Variants in ENOX1 observed in about 807,000 individuals in gnomAD.
ENOX1 encodes ecto-NOX disulfide-thiol exchanger 1, also known as candidate growth-related and time keeping constitutive hydroquinone (NADH) oxidase.
In ENOX1, 42 loss-of-function variants were observed where a neutral mutation model predicts 82.5. The ratio of observed to expected loss-of-function variants is 0.51; its 90% CI spans 0.40 to 0.66. The LOEUF is 0.66. ENOX1 is among the 30% of genes least tolerant of loss of function. The pLI is 0.00. For synonymous variants in ENOX1, 271 were observed against 282.2 expected (o/e 0.96, Z 0.40); for missense variants, 608 against 811.6 (o/e 0.75, Z 3.05).
intron 2 of ENOX1, among the ~76,000 whole-genome samples, chr13:43,584,401 CATA>C (rs1271725016): frequency 1.3e-5 from 2 of 152,194 alleles, no homozygotes; most frequent in African/African-American, 4.8e-5. Flanking sequence ...TAGTGAGAGT[CATA>C]ATGTCGAGTT....
intron 2 of ENOX1, among the ~76,000 whole-genome samples, chr13:43,500,623 A>C (rs1370436737): frequency 6.6e-6 from 1 of 152,062 alleles, no homozygotes; most frequent in African/African-American, 2.4e-5. Flanking sequence ...ACTAAACAGC[A>C]ACATGAAAGT....
intron 5 of ENOX1, among the ~76,000 whole-genome samples, chr13:43,411,500 C>T (rs999538618): frequency 6.6e-6 from 1 of 152,182 alleles, no homozygotes; most frequent in Non-Finnish European, 1.5e-5. Flanking sequence ...CGAAACTCTG[C>T]TCTTCTGTTT....
At chr13:43,519,371 T>G (rs2077674483) in intron 2 of ENOX1, among the ~76,000 whole-genome samples, 1 of 152,162 alleles carries the variant, frequency 6.6e-6, no homozygotes, top group Non-Finnish European at 1.5e-5. Context: ...AAAAAAAGTA[T>G]TTGCCTACTA....
At chr13:43,241,174 C>A (rs768818902) in intron 14 of ENOX1, among the ~76,000 whole-genome samples, 5 of 152,136 alleles carry the variant, frequency 3.3e-5, no homozygotes, top group Non-Finnish European at 5.9e-5. Context: ...AGTTCATGGT[C>A]CTTATTACTC....
chr13:43,586,145 C>G (rs1448621564), intron 2 of ENOX1, among the ~76,000 whole-genome samples: 7 of 152,228 alleles, frequency 4.6e-5, no homozygotes, highest in Non-Finnish European at 7.3e-5. Flanking sequence ...ACTGTTCTCC[C>G]TACGTCTGCT....
chr13:43,581,118 C>T (rs868655394), intron 2 of ENOX1, among the ~76,000 whole-genome samples: 1 of 137,250 alleles, frequency 7.3e-6, no homozygotes, highest in African/African-American at 2.7e-5. Flanking sequence ...TTTAGCACTA[C>T]CTGATTCTTT....
chr13:43,576,519 A>AT (rs769434028), intron 2 of ENOX1, among the ~76,000 whole-genome samples: 48 of 152,202 alleles, frequency 3.2e-4, no homozygotes, highest in Non-Finnish European at 6.2e-4. Context: ...CCTAGTTCAC[A>AT]TTAAGATGTG....
intron 1 of ENOX1, among the ~76,000 whole-genome samples, chr13:43,693,550 G>A (rs917516239): frequency 6.6e-6 from 1 of 152,092 alleles, no homozygotes; most frequent in Non-Finnish European, 1.5e-5. Context: ...TCCAGTGGCC[G>A]TGAAACAAGA....
intron 2 of ENOX1, among the ~76,000 whole-genome samples, chr13:43,522,924 G>A (rs1406278267): frequency 6.6e-6 from 1 of 152,136 alleles, no homozygotes; most frequent in Non-Finnish European, 1.5e-5. Flanking sequence ...AATCCTCAAT[G>A]TGGAAAGTCA....
chr13:43,753,905 C>A (rs1950453696), intron 1 of ENOX1, among the ~76,000 whole-genome samples: 1 of 144,338 alleles, frequency 6.9e-6, no homozygotes, highest in African/African-American at 2.6e-5. Context: ...TTTCCTTATC[C>A]AATTACGACC....
intron 13 of ENOX1, among the ~76,000 whole-genome samples, chr13:43,267,545 C>A (rs558435059): frequency 6.5e-4 from 99 of 152,326 alleles, no homozygotes; most frequent in African/African-American, 2.3e-3. Context: ...CTGCATGTGT[C>A]CATTTGTTTA....
intron 2 of ENOX1, among the ~76,000 whole-genome samples, chr13:43,517,282 G>A (rs1205603812): frequency 2.0e-5 from 3 of 152,056 alleles, no homozygotes; most frequent in African/African-American, 7.2e-5. Context: ...GGATCACCTT[G>A]AGGTCAGGAG....
rs567447186 is a variant in ENOX1 at position 43,535,138 on chromosome 13, C to T, written c.-218-50986G>A. Among the ~76,000 whole-genome samples the T allele has an allele frequency of 3.3e-5, 5 of 152,278 alleles. No homozygotes were observed. In the South Asian group the frequency reaches 1.0e-3, roughly 32 times the overall value. ...CACAATTGTCATAGAGATTACACTA[C>T]AGAGTACATATAAAGTGCTTAGTGA... On this transcript the variant is annotated intron_variant, in intron 2 of 16. Transcript: ENST00000690772.
chr13:43,678,768 G>A (rs117294783), intron 1 of ENOX1, among the ~76,000 whole-genome samples: 2,359 of 152,182 alleles, frequency 0.016, 20 homozygotes, highest in Middle Eastern at 0.027. Flanking sequence ...CTAGGTTGCC[G>A]CCATTAATAT....
chr13:43,360,474 G>C (rs1220488308), intron 6 of ENOX1, among the ~76,000 whole-genome samples: 1 of 152,008 alleles, frequency 6.6e-6, no homozygotes, highest in African/African-American at 2.4e-5. Context: ...ACAGAATACG[G>C]GAAGCATAAC....
chr13:43,771,923 C>G (rs1379466615), intron 1 of ENOX1, among the ~76,000 whole-genome samples: 1 of 147,224 alleles, frequency 6.8e-6, no homozygotes, highest in East Asian at 2.0e-4. Context: ...TCTGCCACCA[C>G]GCCCGGCTAA....
chr13:43,495,599 C>T (rs2076766006), intron 2 of ENOX1, among the ~76,000 whole-genome samples: 2 of 151,618 alleles, frequency 1.3e-5, no homozygotes, highest in Admixed American at 1.3e-4. Flanking sequence ...TGTCTATGGT[C>T]ATTTGGCTTG....
rs534578433 is a variant in ENOX1, at chr13:43,693,589, G to C, written c.-284-26045C>G. Among the ~76,000 whole-genome samples, 11 of 152,242 alleles carry C rather than the reference G, an allele frequency of 7.2e-5. No homozygotes were observed. In the South Asian group the frequency reaches 1.9e-3, roughly 26 times the overall value. On this transcript the variant is annotated intron_variant, in intron 1 of 16. Transcript: ENST00000690772. ...AACTGTTTCATATCCATTCAACTCT[G>C]ATCATTCTTATAATAGAAAAGGTGA... is the stretch of plus-strand genomic sequence containing the variant.
At chr13:43,472,748 T>G (rs994035863) in intron 3 of ENOX1, among the ~76,000 whole-genome samples, 1 of 152,222 alleles carries the variant, frequency 6.6e-6, no homozygotes, top group African/African-American at 2.4e-5. Context: ...AATTGTAGCC[T>G]AATATGAGCC....
Sources: allele counts gnomAD v4.1 joint callset (sites outside exome capture counted in the v4.1 genomes callset), GRCh38; gene constraint gnomAD v4.1.1; transcripts MANE v1.5; gene names NCBI Gene and HGNC (gene_info 2026-07-23, HGNC 2026-07-21).